The following COX5A variants were observed in gnomAD, a reference collection of about 807,000 sequenced individuals.
The protein encoded by COX5A is cytochrome c oxidase subunit 5A, mitochondrial.
A neutral mutation model predicts 16.1 loss-of-function variants in COX5A; 6 were observed. The ratio of observed to expected loss-of-function variants is 0.37; its 90% CI spans 0.20 to 0.73. COX5A has a LOEUF of 0.73. COX5A is among the 30% of genes least tolerant of loss of function. COX5A has a pLI of 0.50. For synonymous variants in COX5A, 73 were observed against 73.8 expected (o/e 0.99, Z 0.06); for missense variants, 159 against 194.9 (o/e 0.82, Z 1.10).
intron 1 of COX5A, 167 bp downstream of exon 1, chr15:74,937,747 AG>A (rs2065398336): frequency 9.9e-6 from 4 of 404,488 alleles, no homozygotes. Context: ...GCGCGCTTTC[AG>A]GTCCTCCACT....
chr15:74,922,648 G>A (rs114662711), intron 4 of COX5A, among the ~76,000 whole-genome samples: 1,541 of 149,884 alleles, frequency 0.01, 31 homozygotes, highest in African/African-American at 0.036. Context: ...AGCCATTGCT[G>A]CCAGCCAAGT....
At chr15:74,925,746 A>C (rs575940036) in intron 3 of COX5A, among the ~76,000 whole-genome samples, 1 of 152,122 alleles carries the variant, frequency 6.6e-6, no homozygotes, top group Non-Finnish European at 1.5e-5. Context: ...GTGTAGTATA[A>C]CCAGTTCTGG....
At chr15:74,924,572 C>T (rs1423770246) in intron 3 of COX5A, among the ~76,000 whole-genome samples, 1 of 152,098 alleles carries the variant, frequency 6.6e-6, no homozygotes, top group Non-Finnish European at 1.5e-5. Flanking sequence ...TATATATGTA[C>T]TGTTCAAGGT....
In COX5A at chr15:74,920,427, C is replaced by G. The variant is rs1386179269; in HGVS notation, c.*25G>C. 3 of 695,398 alleles carry G rather than the reference C, an allele frequency of 4.3e-6. No homozygotes were observed. Among genetic ancestry groups the G allele is most frequent in the Non-Finnish European group, 2.6e-6 (1 of 382,894 alleles). The allele number at this position is 695,398 out of a possible 1,614,324, so 43.1% of individuals were successfully genotyped here. On this transcript the variant is annotated 3_prime_UTR_variant, in exon 5 of 5. Transcript: ENST00000322347. ...CACTCAAGTAGCAATGTCAATAAAT[C>G]CTTGGGGAAGCCCATCTGTAAGAGA... is the stretch of plus-strand genomic sequence containing the variant.
In COX5A at chr15:74,920,700, G is replaced by A. The variant is rs192072897; in HGVS notation, c.*10-258C>T. Among the ~76,000 whole-genome samples, 268 of 152,028 alleles carry A rather than the reference G, an allele frequency of 1.8e-3. 2 individuals are homozygous for A. The highest frequency in any genetic ancestry group is 6.3e-3 in the African/African-American group (262 of 41,484). ...TAACAAAAGAAATTTTTTTTGGGCCGGACACGGTGACTCATGCCTGTAACG... is the reference window on the plus strand; with the variant it reads ...TAACAAAAGAAATTTTTTTTGGGCCAGACACGGTGACTCATGCCTGTAACG... On this transcript the variant is annotated intron_variant, in intron 4 of 4. Transcript: ENST00000322347.
chr15:74,935,610 A>T (rs934810488), intron 1 of COX5A, among the ~76,000 whole-genome samples: 4 of 116,732 alleles, frequency 3.4e-5, no homozygotes, highest in Non-Finnish European at 8.6e-5. Flanking sequence ...AAAAAAAAAA[A>T]ATAAATAAAT....
At chr15:74,937,722 G>C (rs1480539681) in intron 1 of COX5A, 193 bp downstream of exon 1, 3 of 379,652 alleles carry the variant, frequency 7.9e-6, no homozygotes, top group Non-Finnish European at 1.4e-5. Context: ...AGTTGCGCGG[G>C]GGGAGGCCCC....
At chr15:74,936,736 T>C (rs1252769393) in intron 1 of COX5A, among the ~76,000 whole-genome samples, 1 of 151,352 alleles carries the variant, frequency 6.6e-6, no homozygotes, top group Non-Finnish European at 1.5e-5. Flanking sequence ...AAGCGATTCT[T>C]GTGCTTCAGC....
chr15:74,936,165 C>T (rs2065389150), intron 1 of COX5A, among the ~76,000 whole-genome samples: 1 of 152,158 alleles, frequency 6.6e-6, no homozygotes, highest in South Asian at 2.1e-4. Context: ...GTGGCAGGTG[C>T]CTGTAACCCC....
At chr15:74,923,818 C>G (rs947423712) in intron 3 of COX5A, 48 bp from the exon 4 acceptor site, 1 of 1,203,412 alleles carries the variant, frequency 8.3e-7, no homozygotes, top group African/African-American at 1.5e-5. Flanking sequence ...AAAGCCATGT[C>G]TATTAATTCA....
At chr15:74,923,462 GACA>G (rs1225632574) in intron 4 of COX5A, 183 bp downstream of exon 4, 6 of 485,808 alleles carry the variant, frequency 1.2e-5, no homozygotes, top group South Asian at 7.2e-5. Flanking sequence ...AGAAAATAAT[GACA>G]ACAACTAGAA....
intron 1 of COX5A, among the ~76,000 whole-genome samples, chr15:74,934,498 T>C (rs1039021975): frequency 2.0e-5 from 3 of 151,896 alleles, no homozygotes; most frequent in Non-Finnish European, 4.4e-5. Flanking sequence ...GCCCGGCTAA[T>C]TTTTTTGTAT....
At chr15:74,923,589 T>C in intron 4 of COX5A, 59 bp downstream of exon 4, 1 of 967,964 alleles carries the variant, frequency 1.0e-6, no homozygotes, top group South Asian at 1.3e-5. Context: ...CACTGAAATG[T>C]CATCCACCCA....
At position 74,922,989 on chromosome 15, in the gene COX5A, G is replaced by A. The variant is rs569018907; in HGVS notation, c.*9+659C>T. Among the ~76,000 whole-genome samples, 24 of 152,198 alleles carry A rather than the reference G, an allele frequency of 1.6e-4. No homozygotes were observed. In the South Asian group the frequency reaches 3.3e-3, roughly 21 times the overall value. Reference sequence around the variant, plus strand: ...ATACTTTAAACACACCAAAGCAAATGTGGCAACAATAAAAGTATCTGAAAA... The same window carrying A: ...ATACTTTAAACACACCAAAGCAAATATGGCAACAATAAAAGTATCTGAAAA... On this transcript the variant is annotated intron_variant, in intron 4 of 4. Transcript: ENST00000322347.
intron 1 of COX5A, among the ~76,000 whole-genome samples, chr15:74,931,703 G>A (rs961518623): frequency 2.6e-5 from 4 of 151,884 alleles, no homozygotes; most frequent in Non-Finnish European, 5.9e-5. Flanking sequence ...ACAGGCGAGC[G>A]CCACTAAGCT....
chr15:74,933,475 A>G (rs1441250126), intron 1 of COX5A, among the ~76,000 whole-genome samples: 2 of 150,504 alleles, frequency 1.3e-5, no homozygotes, highest in African/African-American at 4.9e-5. Flanking sequence ...ATGTAAAAAC[A>G]TAGATTAGAA....
intron 2 of COX5A, among the ~76,000 whole-genome samples, 175 bp from the exon 3 acceptor site, chr15:74,927,062 G>A (rs1313013280): frequency 6.6e-6 from 1 of 152,132 alleles, no homozygotes; most frequent in Admixed American, 6.6e-5. Context: ...TAAGATCACA[G>A]TGGATCTCCC....
At chr15:74,936,687 C>A (rs1183690545) in intron 1 of COX5A, among the ~76,000 whole-genome samples, 3 of 130,672 alleles carry the variant, frequency 2.3e-5, no homozygotes, top group African/African-American at 9.0e-5. Context: ...AGTGCAATGG[C>A]GCGATTTCGG....
At position 74,926,867 on chromosome 15, in the gene COX5A, A is replaced by G. The variant is rs557275991; in HGVS notation, c.238T>C (p.Tyr80His). The G allele has an allele frequency of 6.2e-7, 1 of 1,613,650 alleles. No homozygotes were observed. The highest frequency in any genetic ancestry group is 8.5e-7 in the Non-Finnish European group (1 of 1,179,804). ...ATTTTGGGCTCTGGAACCATATCATAGGTAACAAGTGTGTTTATCCCTGCA... is the reference window on the plus strand; with the variant it reads ...ATTTTGGGCTCTGGAACCATATCATGGGTAACAAGTGTGTTTATCCCTGCA... ...LRKGINTLVT[Y>H]DMVPEPKIID... The change falls in exon 3 of 5, where the codon TAT becomes CAT. Residue 80 changes from tyrosine to histidine, a missense_variant. Transcript: ENST00000322347.
Sources: gnomAD v4.1 joint callset for allele counts (sites outside exome capture counted in the v4.1 genomes callset) on GRCh38, gnomAD v4.1.1 for gene constraint, MANE v1.5 for transcripts, NCBI Gene and HGNC (gene_info 2026-07-23, HGNC 2026-07-21) for gene names.